The following EXOC2 variants were observed in gnomAD, a reference collection of about 807,000 sequenced individuals.
EXOC2 encodes exocyst complex component 2.
Under a neutral mutation model 131.8 loss-of-function variants are expected in EXOC2, and 70 were observed. The observed-to-expected ratio is 0.53, with a 90% CI of 0.44 to 0.65. The LOEUF is 0.65. EXOC2 is among the 30% of genes least tolerant of loss of function. The probability of loss-of-function intolerance (pLI) is 0.00; values close to 1 mark genes in which losing one functional copy is unlikely to be tolerated. For synonymous variants in EXOC2, 411 were observed against 398.4 expected, an observed-to-expected ratio of 1.03 and a Z score of -0.38; for missense variants, 923 against 1,108.6, an observed-to-expected ratio of 0.83 and a Z score of 2.38.
chr6:505,590 G>A (rs1025132147), intron 23 of EXOC2, among the ~76,000 whole-genome samples: 4 of 152,148 alleles, frequency 2.6e-5, no homozygotes, highest in Admixed American at 6.5e-5. Context: ...GGACGGCCCC[G>A]CCCCACCCCA....
At chr6:494,307 A>C (rs1238576426) in intron 25 of EXOC2, among the ~76,000 whole-genome samples, 2 of 152,330 alleles carry the variant, frequency 1.3e-5, no homozygotes, top group African/African-American at 4.8e-5. Flanking sequence ...CTTTACAGTG[A>C]ATGCCTGTTT....
At chr6:658,787 G>A (rs149839484) in intron 1 of EXOC2, among the ~76,000 whole-genome samples, 2 of 150,614 alleles carry the variant, frequency 1.3e-5, no homozygotes, top group East Asian at 1.9e-4. Context: ...TCAGCCTCCC[G>A]AGTAGCTGGG....
In EXOC2 at chr6:633,132, A is replaced by G. The variant is rs370822779; in HGVS notation, c.119-15T>C. On this transcript the variant is annotated splice_polypyrimidine_tract_variant and intron_variant, in intron 2 of 27. Transcript: ENST00000230449. ...AATGGTCAAGCCTGAAAATAAACGC[A>G]TGTGCATAACAAAATTCAAAGACAA... 89 of 1,609,490 alleles carry G rather than the reference A, an allele frequency of 5.5e-5. No individual in the cohort carries two copies. The highest frequency in any genetic ancestry group is 7.2e-5 in the Non-Finnish European group (85 of 1,179,642).
chr6:539,072 GAA>G lies in EXOC2; in HGVS notation c.2239-6464_2239-6463del, dbSNP rs11351666. On this transcript the variant is annotated intron_variant, in intron 22 of 27. Transcript: ENST00000230449. ...GTGACAGAGCAAGACTCTGTCTGAA[GAA>G]AAAAAAAAAAAAGAAAATATCATAA... Among the ~76,000 whole-genome samples the G allele has an allele frequency of 9.8e-3, 1,389 of 142,188 alleles. 27 individuals are homozygous for G. Among genetic ancestry groups the G allele is most frequent in the African/African-American group, 0.032 (1,222 of 38,418 alleles). The allele number at this position is 142,188 out of a possible 152,430, so 93.3% of individuals were successfully genotyped here.
At chr6:501,129 T>TATATATATCTATATATATA (rs1561785221) in intron 23 of EXOC2, among the ~76,000 whole-genome samples, 8 of 41,626 alleles carry the variant, frequency 1.9e-4, no homozygotes, top group African/African-American at 5.9e-4. Context: ...CTATATATAT[T>TATATATATCTATATATATA]ATATATATCT....
At chr6:507,336 CACACACACCACAGCAGTGA>C (rs1764621092) in intron 23 of EXOC2, among the ~76,000 whole-genome samples, 1 of 55,310 alleles carries the variant, frequency 1.8e-5, no homozygotes, top group Admixed American at 1.7e-4. Flanking sequence ...TGACCCCCCC[CACACACACCACAGCAGTGA>C]CCCCACACAC....
chr6:491,431 T>C (rs1272500219), intron 25 of EXOC2, among the ~76,000 whole-genome samples: 1 of 152,260 alleles, frequency 6.6e-6, no homozygotes, highest in African/African-American at 2.4e-5. Context: ...GGGAACTAGA[T>C]ATCTCACTAT....
At chr6:523,655 A>G (rs1196393688) in intron 23 of EXOC2, among the ~76,000 whole-genome samples, 1 of 152,234 alleles carries the variant, frequency 6.6e-6, no homozygotes, top group Non-Finnish European at 1.5e-5. Context: ...TTATTTTGGC[A>G]GGTGCCAAAG....
rs963244575 is a variant in EXOC2 at position 532,815 on chromosome 6, A to T, written c.2239-205T>A. On this transcript the variant is annotated intron_variant, in intron 22 of 27. Coordinates refer to ENST00000230449, the MANE Select transcript of EXOC2 (RefSeq NM_018303.6). ...GAGAAAAAATAATCTCCATATATGG[A>T]CTACAGGTCATTGTATTAGTCCGTT... Among the ~76,000 whole-genome samples the T allele has an allele frequency of 2.6e-5, 4 of 152,358 alleles. No individual in the cohort carries two copies. The East Asian group carries it at 5.8e-4, about 22-fold the overall frequency.
intron 11 of EXOC2, among the ~76,000 whole-genome samples, chr6:580,191 A>G (rs1206719239): frequency 3.9e-5 from 6 of 152,066 alleles, no homozygotes. Flanking sequence ...ACAGGCATGC[A>G]CCACCATGCC....
At chr6:518,428 T>C (rs1432034585) in intron 23 of EXOC2, among the ~76,000 whole-genome samples, 1 of 152,232 alleles carries the variant, frequency 6.6e-6, no homozygotes, top group Non-Finnish European at 1.5e-5. Context: ...TGTACAATAG[T>C]ATGTTAGTTT....
At position 592,498 on chromosome 6, in the gene EXOC2, C is replaced by T; in HGVS notation, c.1163G>A (p.Cys388Tyr). The T allele has an allele frequency of 6.2e-7, 1 of 1,613,936 alleles. No individual in the cohort carries two copies. The highest frequency in any genetic ancestry group is 2.2e-5 in the East Asian group (1 of 44,850). ...HKWILQLMHS[C>Y]KEGYVKDLKG... ...CAGATCTTTCACGTAGCCCTCTTTG[C>T]AACTGTGCATGAGCTGAAGGATCCA... Residue 388 changes from cysteine (C) to tyrosine (Y), a missense_variant, in exon 11 of 28, where the codon TGC becomes TAC. By Grantham distance (194) the Cys-to-Tyr change is radical (BLOSUM62 -2). Transcript: ENST00000230449.
chr6:605,913 G>A (rs145075231), intron 7 of EXOC2, among the ~76,000 whole-genome samples: 13,589 of 152,072 alleles, frequency 0.089, 1,040 homozygotes, highest in African/African-American at 0.21. Context: ...CTTTGTTCTT[G>A]TTGGTTTCAA....
At chr6:630,179 C>T (rs1345380610) in intron 3 of EXOC2, among the ~76,000 whole-genome samples, 1 of 152,194 alleles carries the variant, frequency 6.6e-6, no homozygotes. Context: ...TTACACCTCT[C>T]AGCTTATGGT....
chr6:498,456 T>G (rs1763861923), intron 24 of EXOC2, among the ~76,000 whole-genome samples: 1 of 152,186 alleles, frequency 6.6e-6, no homozygotes, highest in Non-Finnish European at 1.5e-5. Context: ...AACAGAATTT[T>G]TATATTTTTT....
chr6:639,505 G>A (rs942597610), intron 1 of EXOC2, among the ~76,000 whole-genome samples: 1 of 150,952 alleles, frequency 6.6e-6, no homozygotes, highest in Non-Finnish European at 1.5e-5. Flanking sequence ...CCTTGCCACT[G>A]TGAGCAGGTG....
At chr6:549,604 T>C (rs1757040185) in intron 21 of EXOC2, among the ~76,000 whole-genome samples, 1 of 152,208 alleles carries the variant, frequency 6.6e-6, no homozygotes, top group Non-Finnish European at 1.5e-5. Flanking sequence ...CTGGGATCAG[T>C]GTTGCTTATG....
intron 13 of EXOC2, among the ~76,000 whole-genome samples, chr6:565,671 C>T (rs1351060853): frequency 6.6e-6 from 1 of 152,182 alleles, no homozygotes; most frequent in East Asian, 1.9e-4. Context: ...TCTGACACTT[C>T]ATTGACATAA....
At chr6:624,514 C>T (rs1014297444) in intron 4 of EXOC2, among the ~76,000 whole-genome samples, 19 of 152,038 alleles carry the variant, frequency 1.2e-4, no homozygotes, top group Non-Finnish European at 2.5e-4. Flanking sequence ...GACTAATTTC[C>T]TAAGTATTAT....
Sources: gnomAD v4.1 joint callset for allele counts (sites outside exome capture counted in the v4.1 genomes callset) on GRCh38, gnomAD v4.1.1 for gene constraint, MANE v1.5 for transcripts, NCBI Gene and HGNC (gene_info 2026-07-23, HGNC 2026-07-21) for gene names.